CYP2C18: variants seen among roughly 807,000 people sequenced by gnomAD.
CYP2C18 encodes cytochrome P450 family 2 subfamily C member 18.
CYP2C18 carries 38 observed loss-of-function variants against 41.3 expected under a neutral mutation model. That is an observed-to-expected ratio of 0.92 (90% CI 0.71 to 1.21). The LOEUF is 1.21. Ranked by LOEUF, CYP2C18 falls within the 50% of genes most tolerant of loss-of-function variation. The pLI is 0.00. For missense variants in CYP2C18, 635 were observed against 591.4 expected, an observed-to-expected ratio of 1.07 and a Z score of -0.77; for synonymous variants, 236 against 210.0, an observed-to-expected ratio of 1.12 and a Z score of -1.07.
At chr10:94,698,644 A>G (rs1430054423) in intron 4 of CYP2C18, among the ~76,000 whole-genome samples, 1 of 152,112 alleles carries the variant, frequency 6.6e-6, no homozygotes. Flanking sequence ...GCAGAACTGA[A>G]GGAGATAGAG....
At chr10:94,729,846 A>C (rs553583469) in intron 7 of CYP2C18, among the ~76,000 whole-genome samples, 1 of 152,254 alleles carries the variant, frequency 6.6e-6, no homozygotes, top group African/African-American at 2.4e-5. Context: ...CTTATTTATC[A>C]ACAAAGAGAA....
chr10:94,716,887 T>C (rs1847557026), intron 5 of CYP2C18, among the ~76,000 whole-genome samples: 1 of 152,222 alleles, frequency 6.6e-6, no homozygotes, highest in Non-Finnish European at 1.5e-5. Context: ...CATATATATT[T>C]AGGATAGTTA....
At chr10:94,696,869 A>C (rs1039957528) in intron 4 of CYP2C18, among the ~76,000 whole-genome samples, 31 of 152,202 alleles carry the variant, frequency 2.0e-4, no homozygotes, top group Non-Finnish European at 3.5e-4. Context: ...CAACTGGAAG[A>C]AAGGGTATCA....
chr10:94,722,335 T>C (rs925653962), intron 6 of CYP2C18, among the ~76,000 whole-genome samples: 3 of 152,138 alleles, frequency 2.0e-5, no homozygotes, highest in African/African-American at 7.2e-5. Context: ...TTTATATTTA[T>C]CTATGAGCAG....
intron 4 of CYP2C18, among the ~76,000 whole-genome samples, chr10:94,703,073 C>T (rs138917611): frequency 6.6e-6 from 1 of 152,196 alleles, no homozygotes; most frequent in Non-Finnish European, 1.5e-5. Flanking sequence ...GGCTGCAGAA[C>T]AGCAAAGATT....
intron 7 of CYP2C18, among the ~76,000 whole-genome samples, chr10:94,731,707 A>G (rs1408047596): frequency 6.6e-6 from 1 of 152,184 alleles, no homozygotes; most frequent in East Asian, 1.9e-4. Flanking sequence ...GACAAAAAAC[A>G]GGCAATGGGA....
chr10:94,724,316 T>A, intron 6 of CYP2C18, 30 bp from the exon 7 acceptor site: 2 of 1,611,038 alleles, frequency 1.2e-6, no homozygotes, highest in Non-Finnish European at 1.7e-6. Flanking sequence ...TTTCCTCCTT[T>A]TCCATCATTT....
In CYP2C18 at chr10:94,683,972, C is replaced by T. The variant is rs1846835783; in HGVS notation, c.153C>T (p.Ser51=). ...TGCAGTTAGATGTTAAGGACATGAG[C>T]AAATCCTTAACCAATGTAAGTATGC... The part of the protein sequence containing the change: ...NILQLDVKDM[S]KSLTNFSKVY... The change falls in exon 1 of 9, where the codon AGC becomes AGT. Residue 51 remains serine, a synonymous_variant. Transcript: ENST00000285979. The T allele has an allele frequency of 6.2e-7, 1 of 1,605,892 alleles. No homozygotes were observed. Among genetic ancestry groups the T allele is most frequent in the African/African-American group, 1.3e-5 (1 of 74,744 alleles).
At chr10:94,693,384 G>A (rs75256778) in intron 3 of CYP2C18, among the ~76,000 whole-genome samples, 3,868 of 152,116 alleles carry the variant, frequency 0.025, 150 homozygotes, top group African/African-American at 0.075. Flanking sequence ...GCCTTCTGCC[G>A]TGATTGCATC....
chr10:94,717,181 A>G (rs1349856612), intron 5 of CYP2C18, among the ~76,000 whole-genome samples: 1 of 152,076 alleles, frequency 6.6e-6, no homozygotes, highest in Admixed American at 6.6e-5. Context: ...GTCCATTTAT[A>G]TTTAAGGTTA....
intron 1 of CYP2C18, among the ~76,000 whole-genome samples, chr10:94,685,154 C>A (rs1846862456): frequency 6.6e-6 from 1 of 151,908 alleles, no homozygotes; most frequent in Non-Finnish European, 1.5e-5. Flanking sequence ...CTACCTTAGA[C>A]CCCCAAGTAG....
chr10:94,726,890 G>A (rs1160451357), intron 7 of CYP2C18, among the ~76,000 whole-genome samples: 1 of 152,068 alleles, frequency 6.6e-6, no homozygotes. Flanking sequence ...TTAACTTTGA[G>A]AGGAAAAAGG....
In CYP2C18 at chr10:94,735,248, G is replaced by A. The variant is rs1323566588; in HGVS notation, c.1292-15G>A. 6.2e-7 allele frequency: 1 copy of A among 1,612,570 alleles called. No homozygotes were observed. Among genetic ancestry groups the A allele is most frequent in the Admixed American group, 1.7e-5 (1 of 59,852 alleles). On this transcript the variant is annotated splice_polypyrimidine_tract_variant and intron_variant, in intron 8 of 8. Transcript: ENST00000285979. ...AATGTTCAAGGAACAAATCCCCTAT[G>A]TCTCTTATTTTCAGGAAAACGGATG... is the stretch of plus-strand genomic sequence containing the variant.
intron 7 of CYP2C18, 31 bp from the exon 8 acceptor site, chr10:94,733,266 T>A: frequency 1.2e-6 from 2 of 1,603,252 alleles, no homozygotes; most frequent in Non-Finnish European, 1.7e-6. Flanking sequence ...GACTTCTTTA[T>A]AACTTAGTTT....
intron 5 of CYP2C18, among the ~76,000 whole-genome samples, chr10:94,717,104 C>T (rs1435138704): frequency 3.9e-5 from 6 of 152,114 alleles, no homozygotes; most frequent in Non-Finnish European, 8.8e-5. Flanking sequence ...CTCCTGAATA[C>T]AGCACACTGA....
intron 4 of CYP2C18, among the ~76,000 whole-genome samples, chr10:94,698,343 A>C (rs904624305): frequency 6.6e-6 from 1 of 152,228 alleles, no homozygotes; most frequent in Non-Finnish European, 1.5e-5. Context: ...AAAACCCCTC[A>C]ACTACATGGA....
intron 5 of CYP2C18, among the ~76,000 whole-genome samples, chr10:94,709,915 G>T (rs1018833155): frequency 6.6e-6 from 1 of 152,028 alleles, no homozygotes; most frequent in Non-Finnish European, 1.5e-5. Flanking sequence ...ACAAACACGA[G>T]GATTTATTTT....
intron 4 of CYP2C18, among the ~76,000 whole-genome samples, chr10:94,704,126 C>T (rs1847294241): frequency 2.0e-5 from 3 of 152,150 alleles, no homozygotes; most frequent in South Asian, 2.1e-4. Context: ...AATCACGGGC[C>T]TTCTGCATTG....
chr10:94,709,008 T>C (rs559435858), intron 5 of CYP2C18, among the ~76,000 whole-genome samples: 1 of 152,192 alleles, frequency 6.6e-6, no homozygotes, highest in Non-Finnish European at 1.5e-5. Flanking sequence ...TTTTGGCTGT[T>C]ATGAATAATG....
Sources: gnomAD v4.1 joint callset for allele counts (sites outside exome capture counted in the v4.1 genomes callset) on GRCh38, gnomAD v4.1.1 for gene constraint, MANE v1.5 for transcripts, NCBI Gene and HGNC (gene_info 2026-07-23, HGNC 2026-07-21) for gene names.